Variants in ARL8A observed in about 807,000 individuals in gnomAD.
ARL8A encodes ARF like GTPase 8A, also known as ADP-ribosylation factor-like protein 8A.
A neutral mutation model predicts 31.2 loss-of-function variants in ARL8A; 10 were observed. The observed-to-expected ratio is 0.32, with a 90% confidence interval of 0.20 to 0.54. ARL8A has a LOEUF of 0.54. Among genes scored for constraint, ARL8A ranks in the 20% least tolerant of loss-of-function variants. The probability of loss-of-function intolerance (pLI) is 0.93; values close to 1 mark genes in which losing one functional copy is unlikely to be tolerated. For synonymous variants in ARL8A, 70 were observed against 86.9 expected (o/e 0.81, Z 1.08); for missense variants, 129 against 242.8 (o/e 0.53, Z 3.12).
intron 1 of ARL8A, among the ~76,000 whole-genome samples, chr1:202,139,398 C>A (rs1316825050): frequency 6.6e-6 from 1 of 151,910 alleles, no homozygotes; most frequent in Non-Finnish European, 1.5e-5. Flanking sequence ...ATGGTGAAAC[C>A]CCATCTCTAC....
At chr1:202,142,162 C>T (rs543731118) in intron 1 of ARL8A, among the ~76,000 whole-genome samples, 1 of 152,320 alleles carries the variant, frequency 6.6e-6, no homozygotes, top group South Asian at 2.1e-4. Context: ...CCACCATGCC[C>T]GGCTGATGTT....
In ARL8A at chr1:202,144,339, C is replaced by T; in HGVS notation, c.123+111G>A. On this transcript the variant is annotated intron_variant, in intron 1 of 6. Transcript: ENST00000272217. This position sits in a 1 kb window ranked among gnomAD's most constrained non-coding sequence, Gnocchi z 5.2. ...GCTCCTCCCCCGCCCGGCGCCCGGC[C>T]GTGCCCGGCTATGCCAGGCGGCGAC... 1.3e-6 allele frequency: 1 copy of T among 766,902 alleles called. No homozygotes were observed. Among genetic ancestry groups the T allele is most frequent in the Non-Finnish European group, 1.6e-6 (1 of 628,662 alleles). The allele number at this position is 766,902 out of a possible 1,614,324, so 47.5% of individuals were successfully genotyped here.
In ARL8A at chr1:202,133,759, T is replaced by A. The variant is rs1235147315; in HGVS notation, c.*708A>T. The A allele has an allele frequency of 6.6e-6, 1 of 151,804 alleles. No homozygotes were observed. The highest frequency in any genetic ancestry group is 1.5e-5 in the Non-Finnish European group (1 of 67,958). 9.4% of individuals were successfully genotyped at this position (151,804 alleles called of 1,614,324 possible). On this transcript the variant is annotated 3_prime_UTR_variant, in exon 7 of 7. Coordinates refer to ENST00000272217, the MANE Select transcript of ARL8A (RefSeq NM_138795.4). ...CTGGCTTTCTGCCCCGTGTGCCTGGTGGTTTCTGGTACCTGGTCGTCGTAC... is the reference window on the plus strand; with the variant it reads ...CTGGCTTTCTGCCCCGTGTGCCTGGAGGTTTCTGGTACCTGGTCGTCGTAC...
At chr1:202,136,735 A>G (rs1278210638) in intron 3 of ARL8A, among the ~76,000 whole-genome samples, 1 of 152,032 alleles carries the variant, frequency 6.6e-6, no homozygotes, top group East Asian at 1.9e-4. Context: ...AGGCTCAGCT[A>G]ATTTTTGTAC....
At position 202,138,263 on chromosome 1, in the gene ARL8A, G is replaced by A. The variant is rs1286532917; in HGVS notation, c.204+105C>T. ...CCTGGCCTCTGCCCCACTTCAGCTC[G>A]CTCCTCCCAGGGGCCTCCGTTGCCC... On this transcript the variant is annotated intron_variant, in intron 2 of 6. Transcript: ENST00000272217. The surrounding 1 kb of genome is among the most constrained non-coding windows in gnomAD (Gnocchi z 4.4). 1.9e-5 allele frequency: 26 copies of A among 1,345,834 alleles called. No individual in the cohort carries two copies. The highest frequency in any genetic ancestry group is 4.5e-4 in the Middle Eastern group (2 of 4,428). 83.4% of individuals were successfully genotyped at this position (1,345,834 alleles called of 1,614,324 possible).
In ARL8A at chr1:202,135,567, G is replaced by A. The variant is rs761786718; in HGVS notation, c.373-41C>T. On this transcript the variant is annotated intron_variant, in intron 4 of 6. Coordinates refer to ENST00000272217, the MANE Select transcript of ARL8A (RefSeq NM_138795.4). This position sits in a 1 kb window ranked among gnomAD's most constrained non-coding sequence, Gnocchi z 5.3. The stretch of plus-strand genomic sequence containing the variant: ...GGTGAGGATGAGGTCTAGGGCAGCC[G>A]TGCCCAGGTTGTCTGGGTGGTGAGC... 7.5e-6 allele frequency: 12 copies of A among 1,606,796 alleles called. No individual in the cohort carries two copies. The highest frequency in any genetic ancestry group is 2.7e-5 in the African/African-American group (2 of 74,874).
chr1:202,135,424 G>A lies in ARL8A; in HGVS notation c.440+35C>T. The A allele has an allele frequency of 2.5e-6, 4 of 1,605,170 alleles. No homozygotes were observed. The highest frequency in any genetic ancestry group is 1.1e-5 in the South Asian group (1 of 90,868). ...GTTGGTCTGGTGGTTGGGGAATTGG[G>A]AGAGCAGAAAGTAATATAGAGTCAC... On this transcript the variant is annotated intron_variant, in intron 5 of 6. Transcript: ENST00000272217. This position sits in a 1 kb window ranked among gnomAD's most constrained non-coding sequence, Gnocchi z 5.3.
chr1:202,138,498 C>G lies in ARL8A; in HGVS notation c.124-50G>C. On this transcript the variant is annotated intron_variant, in intron 1 of 6. Transcript: ENST00000272217. The surrounding 1 kb of genome is among the most constrained non-coding windows in gnomAD (Gnocchi z 4.4). ...AACAGTGCAAAAATCGATATGCCCC[C>G]ACCGCAGACCAAGAGGCTGCGAGAA... The G allele has an allele frequency of 1.3e-6, 2 of 1,552,478 alleles. No homozygotes were observed. The highest frequency in any genetic ancestry group is 1.8e-6 in the Non-Finnish European group (2 of 1,124,164).
In ARL8A at chr1:202,133,982, G is replaced by A. The variant is rs1412075862; in HGVS notation, c.*485C>T. ...CTCTTCTGATCTGAACTTGCCCCAAGTCCACCTGCGTCTCCCTCCTTCTCT... is the reference window on the plus strand; with the variant it reads ...CTCTTCTGATCTGAACTTGCCCCAAATCCACCTGCGTCTCCCTCCTTCTCT... On this transcript the variant is annotated 3_prime_UTR_variant, in exon 7 of 7. Transcript: ENST00000272217. The A allele has an allele frequency of 6.6e-6, 1 of 152,350 alleles. No individual in the cohort carries two copies. Among genetic ancestry groups the A allele is most frequent in the Non-Finnish European group, 1.5e-5 (1 of 68,188 alleles). 9.4% of individuals were successfully genotyped at this position (152,350 alleles called of 1,614,324 possible).
Position 202,138,387 on chromosome 1 carries a change from T to C in ARL8A, c.185A>G (p.Lys62Arg). ...CCTCACCTTGATAGTCACATTCCCT[T>C]TGGTGATTTTGCGCATGTTGAAACC... is the stretch of plus-strand genomic sequence containing the variant. Reference protein sequence around the residue: ...TVGFNMRKITKGNVTIKLWDI... With the variant: ...TVGFNMRKITRGNVTIKLWDI... The change falls in exon 2 of 7, where the codon AAA becomes AGA. Residue 62 changes from lysine to arginine, a missense_variant. Lys to Arg is a conservative substitution (Grantham distance 26). Transcript: ENST00000272217. The surrounding 1 kb of genome is among the most constrained non-coding windows in gnomAD (Gnocchi z 4.4). The C allele has an allele frequency of 6.2e-7, 1 of 1,613,826 alleles. No individual in the cohort carries two copies. The highest frequency in any genetic ancestry group is 8.5e-7 in the Non-Finnish European group (1 of 1,179,810).
chr1:202,141,502 C>T (rs1005109747), intron 1 of ARL8A, among the ~76,000 whole-genome samples: 1 of 151,912 alleles, frequency 6.6e-6, no homozygotes, highest in Non-Finnish European at 1.5e-5. Context: ...ATTAGCCAGG[C>T]ATGGTGGTGT....
Position 202,134,586 on chromosome 1 carries a change from C to A in ARL8A, c.512-70G>T. 7.0e-7 allele frequency: 1 copy of A among 1,424,076 alleles called. No homozygotes were observed. Among genetic ancestry groups the A allele is most frequent in the Non-Finnish European group, 9.9e-7 (1 of 1,007,270 alleles). The allele number at this position is 1,424,076 out of a possible 1,614,324, so 88.2% of individuals were successfully genotyped here. A position where few individuals can be genotyped will look rare whatever the true frequency, so the allele number is the denominator to read the frequency against. ...GCCGTGCTGGGGCAGCAGAGAGGCC[C>A]AAGAAACCAAACCTAAGGGTATCAG... On this transcript the variant is annotated intron_variant, in intron 6 of 6. Transcript: ENST00000272217. This position sits in a 1 kb window ranked among gnomAD's most constrained non-coding sequence, Gnocchi z 4.2.
chr1:202,139,248 A>C (rs1447219239), intron 1 of ARL8A, among the ~76,000 whole-genome samples: 1 of 152,138 alleles, frequency 6.6e-6, no homozygotes, highest in Admixed American at 6.6e-5. Flanking sequence ...CACAGGTAGG[A>C]CACTTCTGCT....
intron 1 of ARL8A, among the ~76,000 whole-genome samples, chr1:202,141,359 C>T (rs370312863): frequency 1.1e-4 from 17 of 152,176 alleles, no homozygotes; most frequent in African/African-American, 1.9e-4. Context: ...GTTAACAATC[C>T]GGCCGGACAT....
rs567207516 is a variant in ARL8A, at chr1:202,135,095, C to G, written c.511+55G>C. 2 of 1,543,552 alleles carry G rather than the reference C, an allele frequency of 1.3e-6. No individual in the cohort carries two copies. The highest frequency in any genetic ancestry group is 1.4e-5 in the African/African-American group (1 of 73,488). On this transcript the variant is annotated intron_variant, in intron 6 of 6. Coordinates refer to ENST00000272217, the MANE Select transcript of ARL8A (RefSeq NM_138795.4). The surrounding 1 kb of genome is among the most constrained non-coding windows in gnomAD (Gnocchi z 5.3). Reference sequence around the variant, plus strand: ...TTGTGGAGCGAGAACCTGAGAGCCACTAAAACACTCAGAAATGCCTCTCCC... The same window carrying G: ...TTGTGGAGCGAGAACCTGAGAGCCAGTAAAACACTCAGAAATGCCTCTCCC...
At chr1:202,137,495 C>T (rs1655042258) in intron 3 of ARL8A, among the ~76,000 whole-genome samples, 1 of 152,044 alleles carries the variant, frequency 6.6e-6, no homozygotes, top group Admixed American at 6.6e-5. Flanking sequence ...GGCGTGGTAG[C>T]GCATGCCTGT....
chr1:202,135,056 G>C lies in ARL8A; in HGVS notation c.511+94C>G. ...TCTACCCAAGAGCCACAGGGCTTTG[G>C]ACTTCAGGGAAAGTTGTGGAGCGAG... On this transcript the variant is annotated intron_variant, in intron 6 of 6. Coordinates refer to ENST00000272217, the MANE Select transcript of ARL8A (RefSeq NM_138795.4). This position sits in a 1 kb window ranked among gnomAD's most constrained non-coding sequence, Gnocchi z 5.3. 1 of 1,294,456 alleles carries C rather than the reference G, an allele frequency of 7.7e-7. No individual in the cohort carries two copies. The highest frequency in any genetic ancestry group is 2.3e-5 in the East Asian group (1 of 43,188). The allele number at this position is 1,294,456 out of a possible 1,614,324, so 80.2% of individuals were successfully genotyped here. A position where few individuals can be genotyped will look rare whatever the true frequency, so the allele number is the denominator to read the frequency against.
At chr1:202,143,976 G>A (rs972610032) in intron 1 of ARL8A, among the ~76,000 whole-genome samples, 2 of 151,026 alleles carry the variant, frequency 1.3e-5, no homozygotes, top group African/African-American at 5.0e-5. Context: ...GAGGGGTTAA[G>A]CCCTCTGGGT....
intron 1 of ARL8A, among the ~76,000 whole-genome samples, chr1:202,143,587 G>T (rs1418598092): frequency 3.3e-5 from 5 of 152,168 alleles, no homozygotes; most frequent in Non-Finnish European, 7.3e-5. Flanking sequence ...CACACCCATG[G>T]AGCTCATCTT....
Sources: gnomAD v4.1 joint callset for allele counts (sites outside exome capture counted in the v4.1 genomes callset) on GRCh38, gnomAD v4.1.1 for gene constraint, Gnocchi (gnomAD v3.1) non-coding constraint, MANE v1.5 for transcripts, NCBI Gene and HGNC (gene_info 2026-07-23, HGNC 2026-07-21) for gene names.